The following EYA2 variants were observed in gnomAD, a reference collection of about 807,000 sequenced individuals.
EYA2 encodes EYA transcriptional coactivator and phosphatase 2.
In EYA2, 31 loss-of-function variants were observed where a neutral mutation model predicts 69.2. That is an observed-to-expected ratio of 0.45 (90% confidence interval 0.34 to 0.60). EYA2 has a LOEUF of 0.60. EYA2 is among the 20% of genes least tolerant of loss of function. The pLI, the probability that EYA2 is intolerant of heterozygous loss-of-function variation, is 0.02. For missense variants in EYA2, 622 were observed against 701.2 expected (o/e 0.89, Z 1.28); for synonymous variants, 257 against 279.4 (o/e 0.92, Z 0.80).
chr20:47,172,260 T>A (rs2146655376), intron 11 of EYA2, among the ~76,000 whole-genome samples: 2 of 151,928 alleles, frequency 1.3e-5, no homozygotes, highest in East Asian at 3.9e-4. Context: ...ATAGAGAGAC[T>A]CCATCTCTCC....
intron 1 of EYA2, among the ~76,000 whole-genome samples, chr20:46,895,922 C>A (rs1006104321): frequency 2.0e-5 from 3 of 152,230 alleles, no homozygotes; most frequent in Non-Finnish European, 4.4e-5. Context: ...TGAGAGTTGA[C>A]AGCGTGCACC....
intron 1 of EYA2, among the ~76,000 whole-genome samples, chr20:46,967,190 T>G (rs903974417): frequency 6.6e-6 from 1 of 152,192 alleles, no homozygotes; most frequent in Non-Finnish European, 1.5e-5. Context: ...TTAGTTGAGA[T>G]GGGGTTTCAC....
intron 9 of EYA2, among the ~76,000 whole-genome samples, chr20:47,110,310 C>T (rs371068347): frequency 2.4e-4 from 36 of 152,310 alleles, no homozygotes; most frequent in African/African-American, 6.3e-4. Flanking sequence ...GGTGCAAACA[C>T]GGCTCACTGC....
chr20:47,097,140 C>T lies in EYA2; in HGVS notation c.860C>T (p.Thr287Met). ...ETIIIFHSLL[T>M]GTFASRYGKD... ...ATAATTATTTTTCACTCCTTACTCA[C>T]GGGGACATTTGCATCCAGATACGGG... Residue 287 changes from threonine (T) to methionine (M), a missense_variant, in exon 9 of 16, where the codon ACG becomes ATG. By Grantham distance (81) the Thr-to-Met change is moderately conservative. This residue lies in a region of EYA2 where 257 missense variants were observed against 351.5 expected (regional missense o/e 0.73). Transcript: ENST00000327619. 7 of 1,610,968 alleles carry T rather than the reference C, an allele frequency of 4.3e-6. No homozygotes were observed. Among genetic ancestry groups the T allele is most frequent in the East Asian group, 2.2e-5 (1 of 44,680 alleles).
chr20:47,035,389 C>T (rs1334538386), intron 5 of EYA2, among the ~76,000 whole-genome samples: 1 of 152,184 alleles, frequency 6.6e-6, no homozygotes, highest in Non-Finnish European at 1.5e-5. Flanking sequence ...GCCACCCCCT[C>T]CCATAGCCAC....
chr20:47,140,880 A>G (rs2033580441), intron 9 of EYA2, among the ~76,000 whole-genome samples: 1 of 152,198 alleles, frequency 6.6e-6, no homozygotes, highest in Non-Finnish European at 1.5e-5. Flanking sequence ...TTCATGGTGG[A>G]AAGTGGAAGG....
At chr20:47,069,851 T>C (rs558653382) in intron 5 of EYA2, among the ~76,000 whole-genome samples, 66 of 132,100 alleles carry the variant, frequency 5.0e-4, no homozygotes, top group African/African-American at 2.0e-3. Context: ...CACATATACA[T>C]ACATATATAT....
intron 1 of EYA2, among the ~76,000 whole-genome samples, chr20:46,976,433 T>C (rs1980465049): frequency 7.4e-6 from 1 of 134,584 alleles, no homozygotes; most frequent in South Asian, 2.4e-4. Context: ...TCACCCAGGC[T>C]AGAGTGCAGT....
At chr20:47,094,976 T>G (rs1020878779) in intron 8 of EYA2, among the ~76,000 whole-genome samples, 1 of 152,026 alleles carries the variant, frequency 6.6e-6, no homozygotes, top group East Asian at 1.9e-4. Flanking sequence ...TAGGCTGCAG[T>G]GAGTGATGAT....
At chr20:46,966,442 A>T (rs549717070) in intron 1 of EYA2, among the ~76,000 whole-genome samples, 1 of 152,306 alleles carries the variant, frequency 6.6e-6, no homozygotes, top group South Asian at 2.1e-4. Context: ...GTCCGAGAAA[A>T]ATATAACATG....
At chr20:47,119,416 G>T (rs1026557852) in intron 9 of EYA2, among the ~76,000 whole-genome samples, 3 of 152,218 alleles carry the variant, frequency 2.0e-5, no homozygotes, top group Non-Finnish European at 4.4e-5. Flanking sequence ...GAAATATGCA[G>T]TCTCGGAGTG....
chr20:47,167,845 T>C (rs1424590235), intron 10 of EYA2, among the ~76,000 whole-genome samples: 1 of 152,200 alleles, frequency 6.6e-6, no homozygotes, highest in Admixed American at 6.5e-5. Context: ...GGTTCCGAGA[T>C]AAGAATGTGC....
At chr20:47,074,809 GGTAGTATTTAT>G (rs1340493304) in intron 7 of EYA2, among the ~76,000 whole-genome samples, 1 of 152,108 alleles carries the variant, frequency 6.6e-6, no homozygotes, top group Non-Finnish European at 1.5e-5. Context: ...GATGAACCCT[GGTAGTATTTAT>G]AATATTACCA....
At chr20:46,995,094 T>G (rs932998834) in intron 2 of EYA2, among the ~76,000 whole-genome samples, 1 of 151,984 alleles carries the variant, frequency 6.6e-6, no homozygotes, top group Non-Finnish European at 1.5e-5. Flanking sequence ...AGAGGCAGGG[T>G]TTCACCATGT....
chr20:47,061,445 C>T (rs1000811025), intron 5 of EYA2, among the ~76,000 whole-genome samples: 2 of 151,996 alleles, frequency 1.3e-5, no homozygotes, highest in Admixed American at 6.6e-5. Flanking sequence ...GTGGGAGGAT[C>T]GCTTGAGCCC....
At chr20:47,179,741 T>A in intron 12 of EYA2, 57 bp from the exon 13 acceptor site, 1 of 1,293,644 alleles carries the variant, frequency 7.7e-7, no homozygotes, top group Non-Finnish European at 1.1e-6. Context: ...GTTCCCTACC[T>A]TCATCCCCCA....
At chr20:47,135,994 G>T (rs1468930793) in intron 9 of EYA2, among the ~76,000 whole-genome samples, 1 of 151,998 alleles carries the variant, frequency 6.6e-6, no homozygotes, top group Admixed American at 6.6e-5. Flanking sequence ...TCCAGCCTGG[G>T]TGACATAGGT....
At chr20:47,106,338 G>A (rs2146533167) in intron 9 of EYA2, among the ~76,000 whole-genome samples, 1 of 152,302 alleles carries the variant, frequency 6.6e-6, no homozygotes, top group Non-Finnish European at 1.5e-5. Flanking sequence ...TTACATGACT[G>A]TAATCAAGGG....
At chr20:47,106,541 A>G (rs947015) in intron 9 of EYA2, among the ~76,000 whole-genome samples, 75,161 of 151,884 alleles carry the variant, frequency 0.49, 19,092 homozygotes, top group East Asian at 0.66. Flanking sequence ...GTGAGAGTCC[A>G]TGGACCCACG....
Sources: gnomAD v4.1 joint callset for allele counts (sites outside exome capture counted in the v4.1 genomes callset) on GRCh38, gnomAD v4.1.1 for gene constraint, gnomAD v4.1.1 regional missense constraint, MANE v1.5 for transcripts, NCBI Gene and HGNC (gene_info 2026-07-23, HGNC 2026-07-21) for gene names.